ATP2B2: variants seen among roughly 807,000 people sequenced by gnomAD.
The protein encoded by ATP2B2 is ATPase plasma membrane Ca2+ transporting 2.
In ATP2B2, 15 loss-of-function variants were observed where a neutral mutation model predicts 120.0. The ratio of observed to expected loss-of-function variants is 0.12; its 90% CI spans 0.08 to 0.19. The LOEUF (loss-of-function observed/expected upper bound fraction) is 0.19. ATP2B2 is among the 10% of genes least tolerant of loss of function. ATP2B2 has a pLI of 1.00. For synonymous variants in ATP2B2, 694 were observed against 700.3 expected (o/e 0.99, Z 0.14); for missense variants, 1,045 against 1,719.8 (o/e 0.61, Z 6.94).
intron 2 of ATP2B2, among the ~76,000 whole-genome samples, chr3:10,609,351 C>T (rs545898372): frequency 6.6e-6 from 1 of 152,354 alleles, no homozygotes; most frequent in African/African-American, 2.4e-5. Context: ...GCTGCAGAGC[C>T]CACAGCCGCC....
At chr3:10,488,499 C>G (rs867214520) in intron 1 of ATP2B2, among the ~76,000 whole-genome samples, 40 of 75,752 alleles carry the variant, frequency 5.3e-4, no homozygotes, top group African/African-American at 2.2e-3. Flanking sequence ...TCCTTCCTTC[C>G]TTCCTTCGTT....
intron 2 of ATP2B2, among the ~76,000 whole-genome samples, chr3:10,590,133 C>T (rs1247536731): frequency 2.0e-5 from 3 of 152,170 alleles, no homozygotes; most frequent in Admixed American, 1.3e-4. Context: ...AATTGGATCT[C>T]CAGCCACTGT....
At chr3:10,582,190 CGTT>C (rs763636155) in intron 2 of ATP2B2, among the ~76,000 whole-genome samples, 8 of 152,020 alleles carry the variant, frequency 5.3e-5, no homozygotes, top group Non-Finnish European at 1.0e-4. Flanking sequence ...GTTTTGGGGT[CGTT>C]GTTTCTTGGG....
chr3:10,417,466 T>G (rs568430438), intron 2 of ATP2B2, among the ~76,000 whole-genome samples: 21 of 152,336 alleles, frequency 1.4e-4, no homozygotes, highest in Admixed American at 2.6e-4. Flanking sequence ...ACACAGAAGC[T>G]GGACGGCCCA....
intron 2 of ATP2B2, among the ~76,000 whole-genome samples, chr3:10,619,523 AT>A: frequency 6.6e-6 from 1 of 152,346 alleles, no homozygotes; most frequent in South Asian, 2.1e-4. Flanking sequence ...ATTGCTCTTT[AT>A]CCCAAAAGGA....
At chr3:10,673,256 C>A (rs1463052763) in intron 1 of ATP2B2, among the ~76,000 whole-genome samples, 5 of 152,136 alleles carry the variant, frequency 3.3e-5, no homozygotes, top group Non-Finnish European at 7.3e-5. Flanking sequence ...ACCTGACATC[C>A]AAAAGGATTA....
intron 1 of ATP2B2, among the ~76,000 whole-genome samples, chr3:10,645,090 G>A (rs752620532): frequency 3.9e-5 from 6 of 152,070 alleles, no homozygotes; most frequent in Non-Finnish European, 5.9e-5. Context: ...TACGTATGTC[G>A]GGGTGGGTGG....
chr3:10,362,616 G>A (rs2060934441), intron 12 of ATP2B2, among the ~76,000 whole-genome samples: 1 of 152,194 alleles, frequency 6.6e-6, no homozygotes, highest in Admixed American at 6.5e-5. Context: ...GTCCCTTGGT[G>A]GATGGTACGG....
chr3:10,331,363 G>T (rs749050458), intron 22 of ATP2B2, among the ~76,000 whole-genome samples: 1 of 152,226 alleles, frequency 6.6e-6, no homozygotes, highest in African/African-American at 2.4e-5. Context: ...TAGCTGCCTA[G>T]CCTGGTGCTC....
At chr3:10,501,981 G>T (rs1281748925) in intron 1 of ATP2B2, among the ~76,000 whole-genome samples, 2 of 152,184 alleles carry the variant, frequency 1.3e-5, no homozygotes, top group Non-Finnish European at 2.9e-5. Flanking sequence ...GCCCCCATCA[G>T]GTGATCTTTA....
intron 14 of ATP2B2, among the ~76,000 whole-genome samples, chr3:10,351,715 G>A (rs946394949): frequency 2.6e-5 from 4 of 152,186 alleles, no homozygotes; most frequent in Non-Finnish European, 4.4e-5. Flanking sequence ...AGCGCATCAC[G>A]GTAAGCCCTA....
chr3:10,454,219 A>C (rs1347450438), intron 1 of ATP2B2, among the ~76,000 whole-genome samples: 1 of 152,232 alleles, frequency 6.6e-6, no homozygotes, highest in Non-Finnish European at 1.5e-5. Flanking sequence ...GTTTGCCATC[A>C]TGGGGACCCC....
At chr3:10,539,517 A>C (rs6783783) in intron 2 of ATP2B2, among the ~76,000 whole-genome samples, 30,370 of 152,150 alleles carry the variant, frequency 0.2, 4,061 homozygotes, top group East Asian at 0.61. Context: ...ACCAAAACAG[A>C]GATACAGACC....
intron 14 of ATP2B2, among the ~76,000 whole-genome samples, chr3:10,354,244 G>A (rs906567288): frequency 1.3e-5 from 2 of 152,178 alleles, no homozygotes; most frequent in Non-Finnish European, 2.9e-5. Flanking sequence ...TGGACAAACA[G>A]CTCTGGCGCA....
At chr3:10,407,198 G>T (rs2062444543) in intron 3 of ATP2B2, among the ~76,000 whole-genome samples, 2 of 152,200 alleles carry the variant, frequency 1.3e-5, no homozygotes, top group African/African-American at 4.8e-5. Flanking sequence ...TGGGGGTGGG[G>T]ATGCTGTGTA....
At chr3:10,388,036 G>T in intron 6 of ATP2B2, 1 of 514,778 alleles carries the variant, frequency 1.9e-6, no homozygotes, top group Non-Finnish European at 3.5e-6. Flanking sequence ...GCCTGGCCCG[G>T]AGGGGAAGGA....
intron 2 of ATP2B2, among the ~76,000 whole-genome samples, chr3:10,447,375 C>T (rs899908594): frequency 1.3e-5 from 2 of 152,246 alleles, no homozygotes; most frequent in East Asian, 1.9e-4. Context: ...AGCTGCTCAA[C>T]TTCCCAGCTC....
In ATP2B2 at chr3:10,398,853, C is replaced by T. The variant is rs1349602335; in HGVS notation, c.781+2100G>A. ...TGCTCCCATCCTCTGCCTTCAGCAT[C>T]GTCTTATTTTTGGCACCTCTGTTCC... On this transcript the variant is annotated intron_variant, in intron 5 of 22. Transcript: ENST00000360273. Among the ~76,000 whole-genome samples, 16 of 152,222 alleles carry T rather than the reference C, an allele frequency of 1.1e-4. No homozygotes were observed. The East Asian group carries it at 1.2e-3, about 11-fold the overall frequency.
At chr3:10,526,019 G>T (rs2067083749) in intron 3 of ATP2B2, among the ~76,000 whole-genome samples, 2 of 152,226 alleles carry the variant, frequency 1.3e-5, no homozygotes, top group African/African-American at 4.8e-5. Context: ...TAGTGAAGAT[G>T]AACTGGGACA....
Sources: gnomAD v4.1 joint callset for allele counts (sites outside exome capture counted in the v4.1 genomes callset) on GRCh38, gnomAD v4.1.1 for gene constraint, MANE v1.5 for transcripts, NCBI Gene and HGNC (gene_info 2026-07-23, HGNC 2026-07-21) for gene names.